MRI1: variants seen among roughly 807,000 people sequenced by gnomAD.
MRI1 encodes the protein methylthioribose-1-phosphate isomerase 1.
Under a neutral mutation model 27.3 loss-of-function variants are expected in MRI1, and 32 were observed. That is an observed-to-expected ratio of 1.17 (90% confidence interval 0.88 to 1.57). The LOEUF (loss-of-function observed/expected upper bound fraction) is 1.57. MRI1 is among the 40% of genes most tolerant of loss of function. The probability of loss-of-function intolerance (pLI) is 0.00; values close to 1 mark genes in which losing one functional copy is unlikely to be tolerated. For missense variants in MRI1, 508 were observed against 516.1 expected (o/e 0.98, Z 0.15); for synonymous variants, 216 against 227.4 (o/e 0.95, Z 0.45).
At chr19:13,768,530 G>A (rs62111897) in intron 3 of MRI1, 31 bp from the exon 4 acceptor site, 39,270 of 1,596,862 alleles carry the variant, frequency 0.025, 600 homozygotes, top group Non-Finnish European at 0.028. Flanking sequence ...CCCTCCCCGG[G>A]GCCTTCTCCT....
At chr19:13,770,617 C>T (rs1443086164) in intron 5 of MRI1, among the ~76,000 whole-genome samples, 1 of 151,986 alleles carries the variant, frequency 6.6e-6, no homozygotes, top group African/African-American at 2.4e-5. Flanking sequence ...AGCGCTGTGG[C>T]TCACGCCTGT....
intron 2 of MRI1, among the ~76,000 whole-genome samples, chr19:13,765,451 C>T (rs372007886): frequency 6.6e-6 from 1 of 152,096 alleles, no homozygotes; most frequent in South Asian, 2.1e-4. Context: ...TTTTTCCTGT[C>T]CTGGTCCCCT....
intron 3 of MRI1, among the ~76,000 whole-genome samples, chr19:13,767,023 ATATATATATATATATTTTTTTTTTTTTTT>A (rs1450543011): frequency 7.7e-5 from 1 of 12,952 alleles, no homozygotes; most frequent in Non-Finnish European, 1.5e-4. Context: ...ATATATATAT[ATATATATATATATATTTTTTTTTTTTTTT>A]TTTTTTTTTT....
intron 1 of MRI1, 45 bp downstream of exon 1, chr19:13,764,765 G>T (rs693255): frequency 4.2e-6 from 1 of 238,414 alleles, no homozygotes; most frequent in African/African-American, 5.3e-5. Context: ...GCGGCGGGGC[G>T]GCGGGGCGGC....
chr19:13,768,539 C>T (rs1174346785), intron 3 of MRI1, 22 bp from the exon 4 acceptor site: 1 of 1,598,222 alleles, frequency 6.3e-7, no homozygotes, highest in Non-Finnish European at 8.5e-7. Context: ...GGGCCTTCTC[C>T]TGGTGGGTGG....
chr19:13,766,028 G>C lies in MRI1; in HGVS notation c.446G>C (p.Arg149Pro), dbSNP rs752720491. Reference sequence around the variant, plus strand: ...CGAAGCATTGGGGACCTAGGAGCCCGCCACCTCCTGGAGCGGGTGGCCCCC... The same window carrying C: ...CGAAGCATTGGGGACCTAGGAGCCCCCCACCTCCTGGAGCGGGTGGCCCCC... ...DNRSIGDLGARHLLERVAPSG... is the reference protein window; with the variant it reads ...DNRSIGDLGAPHLLERVAPSG... Residue 149 changes from arginine to proline, a missense_variant, in exon 3 of 6, where the codon CGC becomes CCC. By Grantham distance (103) the Arg-to-Pro change is moderately radical (BLOSUM62 -2). This residue lies in a region of MRI1 where 457 missense variants were observed against 452.8 expected (regional missense o/e 1.01). Transcript: ENST00000040663. 1 of 1,613,134 alleles carries C rather than the reference G, an allele frequency of 6.2e-7. No homozygotes were observed. The highest frequency in any genetic ancestry group is 8.5e-7 in the Non-Finnish European group (1 of 1,179,808).
rs748149766 is a variant in MRI1 at position 13,768,903 on chromosome 19, C to G, written c.804C>G (p.Val268=). Reference sequence around the variant, plus strand: ...TGGGCACCTACCAGCTGGCCATTGTCGCCAAGCACCATGGCATTCCCTTCT... The same window carrying G: ...TGGGCACCTACCAGCTGGCCATTGTGGCCAAGCACCATGGCATTCCCTTCT... The part of the protein sequence containing the change: ...NKVGTYQLAI[V]AKHHGIPFYV... The change falls in exon 5 of 6, where the codon GTC becomes GTG. Residue 268 remains valine (V), a synonymous_variant. Transcript: ENST00000040663. The G allele has an allele frequency of 3.1e-6, 5 of 1,614,100 alleles. No homozygotes were observed. In the South Asian group the frequency reaches 4.4e-5, roughly 14 times the overall value.
rs1271134504 is a variant in MRI1, at chr19:13,765,957, G to A, written c.375G>A (p.Val125=). ...GATEEAVRER[V]ICCTEDMLEK... is the part of the protein sequence containing the mutation. ...TGAAAACTCCTTGTCACCCCAGAGT[G>A]ATCTGCTGCACCGAGGACATGCTGG... is the stretch of plus-strand genomic sequence containing the variant. Residue 125 remains valine, a synonymous_variant, in exon 3 of 6, where the codon GTG becomes GTA. Transcript: ENST00000040663. The A allele has an allele frequency of 3.1e-6, 5 of 1,595,224 alleles. No individual in the cohort carries two copies. Among genetic ancestry groups the A allele is most frequent in the Non-Finnish European group, 4.3e-6 (5 of 1,170,104 alleles).
intron 5 of MRI1, among the ~76,000 whole-genome samples, chr19:13,770,129 C>G (rs1029373542): frequency 1.3e-5 from 2 of 152,120 alleles, no homozygotes; most frequent in Non-Finnish European, 2.9e-5. Context: ...GCCTATACTT[C>G]CTGGCTGTGC....
Position 13,764,548 on chromosome 19 carries a change from C to T in MRI1, c.-41C>T, listed in dbSNP as rs762391712. The T allele has an allele frequency of 1.8e-5, 28 of 1,595,234 alleles. No individual in the cohort carries two copies. Among genetic ancestry groups the T allele is most frequent in the Non-Finnish European group, 2.4e-5 (28 of 1,172,118 alleles). ...CCCCGCTCCCAAGTGCGCGCGGACC[C>T]CTAGCTCCCTCTGAGTTGCGCTGGG... is the stretch of plus-strand genomic sequence containing the variant. On this transcript the variant is annotated 5_prime_UTR_variant, in exon 1 of 6. Coordinates refer to ENST00000040663, the MANE Select transcript of MRI1 (RefSeq NM_001031727.4).
rs766358532 is a variant in MRI1 at position 13,766,019 on chromosome 19, T to C, written c.437T>C (p.Leu146Pro). 5 of 1,613,300 alleles carry C rather than the reference T, an allele frequency of 3.1e-6. No homozygotes were observed. Among genetic ancestry groups the C allele is most frequent in the African/African-American group, 1.3e-5 (1 of 75,050 alleles). ...DLRDNRSIGD[L>P]GARHLLERVA... ...AGAGACAACCGAAGCATTGGGGACC[T>C]AGGAGCCCGCCACCTCCTGGAGCGG... Residue 146 changes from leucine (L) to proline (P), a missense_variant, in exon 3 of 6, where the codon CTA becomes CCA. Transcript: ENST00000040663.
chr19:13,765,607 C>G (rs1974105104), intron 2 of MRI1, among the ~76,000 whole-genome samples: 1 of 152,206 alleles, frequency 6.6e-6, no homozygotes, highest in Non-Finnish European at 1.5e-5. Flanking sequence ...CTCCACCATT[C>G]TATATGATCC....
In MRI1 at chr19:13,764,783, CGGGGCGGCGGGGCGGCGGGGCGGCCGGGT is replaced by C; in HGVS notation, c.132+64_133-59del. The C allele has an allele frequency of 2.0e-5, 4 of 200,960 alleles. 1 individual carries two copies. The African/African-American group carries it at 3.2e-4, about 16-fold the overall frequency. The allele number at this position is 200,960 out of a possible 1,614,324, so 12.4% of individuals were successfully genotyped here. On this transcript the variant is annotated intron_variant, in intron 1 of 5. Transcript: ENST00000040663. ...GCGGGGCGGCGGGGCGGCGGGGCGG[CGGGGCGGCGGGGCGGCGGGGCGGCCGGGT>C]TGGAGGTGGGAGTGCGCCCGCGCCT...
rs1372869976 is a variant in MRI1, at chr19:13,766,017, C to T, written c.435C>T (p.Asp145=). Residue 145 remains aspartate (D), a synonymous_variant, in exon 3 of 6, where the codon GAC becomes GAT. Coordinates refer to ENST00000040663, the MANE Select transcript of MRI1 (RefSeq NM_001031727.4). ...KDLRDNRSIG[D]LGARHLLERV... ...TCAGAGACAACCGAAGCATTGGGGA[C>T]CTAGGAGCCCGCCACCTCCTGGAGC... The T allele has an allele frequency of 6.2e-7, 1 of 1,613,308 alleles. No homozygotes were observed. Among genetic ancestry groups the T allele is most frequent in the South Asian group, 1.1e-5 (1 of 91,026 alleles).
Position 13,767,861 on chromosome 19 carries a change from CTTTTTTTT to C in MRI1, c.548-682_548-675del, listed in dbSNP as rs1170108927. On this transcript the variant is annotated intron_variant, in intron 3 of 5. Coordinates refer to ENST00000040663, the MANE Select transcript of MRI1 (RefSeq NM_001031727.4). ...TCTTTTCAAGTATTTTCTTTCTTTCCTTTTTTTTTTTTTTTTTTTTTTTTTGAGACAGA... is the reference window on the plus strand; with the variant it reads ...TCTTTTCAAGTATTTTCTTTCTTTCCTTTTTTTTTTTTTTTTTGAGACAGA... 9.9e-3 allele frequency among the ~76,000 whole-genome samples: 604 copies of C among 61,106 alleles called. 15 individuals are homozygous for C. Among genetic ancestry groups the C allele is most frequent in the African/African-American group, 0.044 (571 of 12,836 alleles). 40.1% of individuals were successfully genotyped at this position (61,106 alleles called of 152,430 possible).
At chr19:13,770,359 C>T (rs1417326200) in intron 5 of MRI1, among the ~76,000 whole-genome samples, 1 of 151,938 alleles carries the variant, frequency 6.6e-6, no homozygotes, top group Non-Finnish European at 1.5e-5. Flanking sequence ...CGGAGGTGGG[C>T]GGATCACTTG....
At chr19:13,767,037 ATTTT>A (rs1161584156) in intron 3 of MRI1, among the ~76,000 whole-genome samples, 5 of 21,138 alleles carry the variant, frequency 2.4e-4, no homozygotes, top group Admixed American at 8.4e-4. Flanking sequence ...ATATATATAT[ATTTT>A]TTTTTTTTTT....
intron 2 of MRI1, 82 bp downstream of exon 2, chr19:13,765,191 G>A: frequency 8.5e-7 from 1 of 1,174,822 alleles, no homozygotes; most frequent in Non-Finnish European, 1.1e-6. Flanking sequence ...CTATACAGAT[G>A]GGGAAACTGA....
intron 3 of MRI1, among the ~76,000 whole-genome samples, chr19:13,766,960 T>A (rs565201989): frequency 1.4e-5 from 2 of 142,650 alleles, no homozygotes; most frequent in South Asian, 4.4e-4. Flanking sequence ...GATGCTCAAG[T>A]CTCTGATATA....
Sources: gnomAD v4.1 joint callset for allele counts (sites outside exome capture counted in the v4.1 genomes callset) on GRCh38, gnomAD v4.1.1 for gene constraint, gnomAD v4.1.1 regional missense constraint, MANE v1.5 for transcripts, NCBI Gene and HGNC (gene_info 2026-07-23, HGNC 2026-07-21) for gene names.